Variants in ACADL observed in about 807,000 individuals in gnomAD.
ACADL encodes the protein long-chain specific acyl-CoA dehydrogenase, mitochondrial.
ACADL carries 60 observed loss-of-function variants against 56.9 expected under a neutral mutation model. The ratio of observed to expected loss-of-function variants is 1.05; its 90% CI spans 0.86 to 1.31. ACADL has a LOEUF of 1.31. Among genes scored for constraint, ACADL ranks in the 50% most tolerant of loss-of-function variants. The pLI is 0.00. For synonymous variants in ACADL, 158 were observed against 179.7 expected (o/e 0.88, Z 0.97); for missense variants, 484 against 525.5 (o/e 0.92, Z 0.77).
intron 2 of ACADL, 88 bp from the exon 3 acceptor site, chr2:210,218,190 G>T: frequency 8.1e-7 from 1 of 1,241,884 alleles, no homozygotes; most frequent in Non-Finnish European, 1.1e-6. Flanking sequence ...ATTTTGTGTA[G>T]AAATGCATTC....
rs559916069 is a variant in ACADL at position 210,217,716 on chromosome 2, G to GA, written c.371+248dup. 3.3e-3 allele frequency: 1,470 copies of GA among 444,094 alleles called. 3 individuals are homozygous for GA. Among genetic ancestry groups the GA allele is most frequent in the South Asian group, 3.7e-3 (123 of 32,880 alleles). The allele number at this position is 444,094 out of a possible 1,614,324, so 27.5% of individuals were successfully genotyped here. A position where few individuals can be genotyped will look rare whatever the true frequency, so the allele number is the denominator to read the frequency against. ...GAAAAGTAACCATAAGCATTGACAG[G>GA]AAAAAAAAACTATCTCTTTAATTTT... On this transcript the variant is annotated intron_variant, in intron 3 of 10. Transcript: ENST00000233710.
At position 210,218,057 on chromosome 2, in the gene ACADL, A is replaced by C. The variant is rs1224267561; in HGVS notation, c.279T>G (p.Ala93=). The part of the protein sequence containing the change: ...GEVSREVWEK[A]GKQGLLGVNI... ...TGACACCAAGCAGTCCTTGTTTTCC[A>C]GCTTTTTCCCAAACCTCCCTACTTA... Residue 93 remains alanine (A), a synonymous_variant, in exon 3 of 11, where the codon GCT becomes GCG. Coordinates refer to ENST00000233710, the MANE Select transcript of ACADL (RefSeq NM_001608.4). The C allele has an allele frequency of 6.2e-7, 1 of 1,613,892 alleles. No individual in the cohort carries two copies. The highest frequency in any genetic ancestry group is 1.3e-5 in the African/African-American group (1 of 74,874).
At position 210,216,399 on chromosome 2, in the gene ACADL, T is replaced by C. The variant is rs761345281; in HGVS notation, c.484A>G (p.Thr162Ala). 2 of 1,613,932 alleles carry C rather than the reference T, an allele frequency of 1.2e-6. No individual in the cohort carries two copies. The change falls in exon 4 of 11, where the codon ACT becomes GCT. Residue 162 changes from threonine (T) to alanine (A), a missense_variant. Coordinates refer to ENST00000233710, the MANE Select transcript of ACADL (RefSeq NM_001608.4). ...EQIKHFIPQM[T>A]AGKCIGAIAM... The stretch of plus-strand genomic sequence containing the variant: ...ATTGCACCAATACATTTGCCTGCAG[T>C]CATCTGGGGAATAAAGTGCTTAATC...
chr2:210,199,318 A>G (rs559281367), intron 8 of ACADL, among the ~76,000 whole-genome samples: 144 of 152,266 alleles, frequency 9.5e-4, no homozygotes, highest in African/African-American at 3.3e-3. Flanking sequence ...TTGGAAAACA[A>G]TACTACTAGC....
rs752087910 is a variant in ACADL at position 210,218,042 on chromosome 2, C to A, written c.294G>T (p.Leu98=). The A allele has an allele frequency of 2.5e-6, 4 of 1,614,058 alleles. No individual in the cohort carries two copies. The East Asian group carries it at 8.9e-5, about 36-fold the overall frequency. ...EVWEKAGKQG[L]LGVNIAEHLG... Reference sequence around the variant, plus strand: ...GATGCTCTGCAATATTGACACCAAGCAGTCCTTGTTTTCCAGCTTTTTCCC... The same window carrying A: ...GATGCTCTGCAATATTGACACCAAGAAGTCCTTGTTTTCCAGCTTTTTCCC... The change falls in exon 3 of 11, where the codon CTG becomes CTT. Residue 98 remains leucine (L), a synonymous_variant. Coordinates refer to ENST00000233710, the MANE Select transcript of ACADL (RefSeq NM_001608.4).
At chr2:210,222,531 G>T (rs895521225) in intron 1 of ACADL, among the ~76,000 whole-genome samples, 4 of 146,868 alleles carry the variant, frequency 2.7e-5, no homozygotes, top group African/African-American at 7.5e-5. Flanking sequence ...AAAAGGAAAA[G>T]AAAAAAAAGT....
chr2:210,192,757 T>C (rs1346988701), intron 10 of ACADL, 47 bp downstream of exon 10: 2 of 1,472,596 alleles, frequency 1.4e-6, no homozygotes, highest in Non-Finnish European at 9.5e-7. Flanking sequence ...GAAATTTTCC[T>C]TTTTCTTCAC....
intron 4 of ACADL, among the ~76,000 whole-genome samples, chr2:210,211,951 C>T (rs1688989562): frequency 1.3e-5 from 2 of 151,942 alleles, no homozygotes; most frequent in African/African-American, 4.8e-5. Context: ...CTGCCTCAGC[C>T]TCCCCAGTAT....
At chr2:210,220,549 A>C in intron 2 of ACADL, 98 bp downstream of exon 2, 1 of 1,123,036 alleles carries the variant, frequency 8.9e-7, no homozygotes, top group Non-Finnish European at 1.3e-6. Context: ...AAAGCCCTGA[A>C]CATACTATGT....
intron 4 of ACADL, among the ~76,000 whole-genome samples, chr2:210,213,275 G>A (rs540013845): frequency 1.3e-5 from 2 of 152,296 alleles, no homozygotes; most frequent in East Asian, 1.9e-4. Context: ...CAAGACAGGC[G>A]GATCACCTGA....
chr2:210,224,376 C>T lies in ACADL; in HGVS notation c.77+811G>A, dbSNP rs970733247. On this transcript the variant is annotated intron_variant, in intron 1 of 10. Coordinates refer to ENST00000233710, the MANE Select transcript of ACADL (RefSeq NM_001608.4). ...AGTAGGCATTTTGTTTCATAGCTCT[C>T]AAATAAAATTAGAGTAGCTTACACC... is the stretch of plus-strand genomic sequence containing the variant. 6 of 985,102 alleles carry T rather than the reference C, an allele frequency of 6.1e-6. No homozygotes were observed. In the South Asian group the frequency reaches 2.4e-4, roughly 39 times the overall value. 61.0% of individuals were successfully genotyped at this position (985,102 alleles called of 1,614,324 possible).
chr2:210,215,344 C>G (rs1250732307), intron 4 of ACADL, among the ~76,000 whole-genome samples: 3 of 152,144 alleles, frequency 2.0e-5, no homozygotes, highest in African/African-American at 4.8e-5. Context: ...GATCATCAGG[C>G]CTGCCAAAAC....
chr2:210,211,830 ATTTT>A (rs34754770), intron 4 of ACADL, among the ~76,000 whole-genome samples: 22 of 130,842 alleles, frequency 1.7e-4, no homozygotes, highest in Non-Finnish European at 2.0e-4. Context: ...GCCCCTCAGC[ATTTT>A]TTTTTTTTTT....
intron 10 of ACADL, among the ~76,000 whole-genome samples, chr2:210,190,644 G>C (rs759391560): frequency 2.0e-5 from 3 of 151,978 alleles, no homozygotes; most frequent in African/African-American, 7.3e-5. Flanking sequence ...TCACGGGCTC[G>C]AGCCTAATGA....
Position 210,225,224 on chromosome 2 carries a change from C to T in ACADL, c.40G>A (p.Gly14Ser). The T allele has an allele frequency of 6.4e-7, 1 of 1,550,518 alleles. No individual in the cohort carries two copies. Among genetic ancestry groups the T allele is most frequent in the South Asian group, 1.2e-5 (1 of 84,794 alleles). The change falls in exon 1 of 11, where the codon GGC becomes AGC. Residue 14 changes from glycine (G) to serine (S), a missense_variant. Physicochemically the swap from Gly to Ser is moderately conservative, Grantham distance 56. Coordinates refer to ENST00000233710, the MANE Select transcript of ACADL (RefSeq NM_001608.4). The part of the protein sequence containing the change: ...RLLRGSLRVL[G>S]GHRAPRQLPA... ...AGCTGGCGCGGCGCACGGTGGCCGC[C>T]CAGGACGCGTAGGGACCCTCGGAGA...
Position 210,220,847 on chromosome 2 carries a change from C to T in ACADL, c.78-45G>A, listed in dbSNP as rs1056444591. On this transcript the variant is annotated intron_variant, in intron 1 of 10. Transcript: ENST00000233710. ...AATAGGAAAAGTAAGTGAATTGTTA[C>T]TCTTCATATCCAAATTAGTGCCACT... 13 of 1,433,158 alleles carry T rather than the reference C, an allele frequency of 9.1e-6. No individual in the cohort carries two copies. The Admixed American group carries it at 1.3e-4, about 15-fold the overall frequency. The allele number at this position is 1,433,158 out of a possible 1,614,324, so 88.8% of individuals were successfully genotyped here.
chr2:210,195,470 T>A, intron 8 of ACADL, 132 bp from the exon 9 acceptor site: 1 of 980,036 alleles, frequency 1.0e-6, no homozygotes, highest in Admixed American at 2.2e-5. Context: ...GGTTTTTTCC[T>A]CCATAAAAAT....
At chr2:210,224,386 T>A in intron 1 of ACADL, 1 of 985,234 alleles carries the variant, frequency 1.0e-6, no homozygotes, top group Non-Finnish European at 1.2e-6. Flanking sequence ...CAAATAAAAT[T>A]AGAGTAGCTT....
intron 4 of ACADL, among the ~76,000 whole-genome samples, chr2:210,212,110 G>C (rs1278724943): frequency 6.6e-6 from 1 of 151,534 alleles, no homozygotes; most frequent in African/African-American, 2.4e-5. Context: ...TGGGATTACA[G>C]GCGTGAGCCA....
Sources: allele counts gnomAD v4.1 joint callset (sites outside exome capture counted in the v4.1 genomes callset), GRCh38; gene constraint gnomAD v4.1.1; transcripts MANE v1.5; gene names NCBI Gene and HGNC (gene_info 2026-07-23, HGNC 2026-07-21).